ADGRL4: variants seen among roughly 807,000 people sequenced by gnomAD.
ADGRL4 encodes adhesion G protein-coupled receptor L4, also known as EGF, latrophilin and seven transmembrane domain containing 1.
A neutral mutation model predicts 74.8 loss-of-function variants in ADGRL4; 90 were observed. That is an observed-to-expected ratio of 1.20 (90% CI 1.02 to 1.43). The LOEUF (loss-of-function observed/expected upper bound fraction) is 1.43, where lower values mean the gene tolerates loss of function less well. ADGRL4 is among the 40% of genes most tolerant of loss of function. The pLI is 0.00. For missense variants in ADGRL4, 881 were observed against 814.3 expected (o/e 1.08, Z -1.00); for synonymous variants, 311 against 279.2 (o/e 1.11, Z -1.14).
chr1:78,970,598 A>G (rs1239837481), intron 2 of ADGRL4, among the ~76,000 whole-genome samples: 2 of 152,100 alleles, frequency 1.3e-5, no homozygotes, highest in African/African-American at 4.8e-5. Context: ...TCCCTCATGT[A>G]CCCCAGGTAT....
Position 78,890,882 on chromosome 1 carries a change from A to G in ADGRL4, c.*272T>C, listed in dbSNP as rs771385481. 1.3e-5 allele frequency: 5 copies of G among 399,126 alleles called. No homozygotes were observed. The highest frequency in any genetic ancestry group is 2.3e-5 in the Non-Finnish European group (5 of 217,088). The allele number at this position is 399,126 out of a possible 1,614,324, so 24.7% of individuals were successfully genotyped here. ...AAAATCTTTCCTTGGGTGCAGTGAT[A>G]TCACTCCTGAGAAACCAATTACTTT... On this transcript the variant is annotated 3_prime_UTR_variant, in exon 15 of 15. Coordinates refer to ENST00000370742, the MANE Select transcript of ADGRL4 (RefSeq NM_022159.4).
intron 2 of ADGRL4, among the ~76,000 whole-genome samples, chr1:79,002,714 T>C (rs1467883530): frequency 6.6e-6 from 1 of 152,046 alleles, no homozygotes; most frequent in Non-Finnish European, 1.5e-5. Flanking sequence ...TCAATATGCT[T>C]GACTATAAGG....
chr1:78,990,263 C>A (rs967978075), intron 2 of ADGRL4, among the ~76,000 whole-genome samples: 1 of 151,682 alleles, frequency 6.6e-6, no homozygotes, highest in Non-Finnish European at 1.5e-5. Flanking sequence ...CTAAGTGTGT[C>A]ATATTTCTAT....
chr1:78,920,790 CAT>C (rs1460040018), intron 9 of ADGRL4, among the ~76,000 whole-genome samples: 1 of 151,800 alleles, frequency 6.6e-6, no homozygotes, highest in African/African-American at 2.4e-5. Flanking sequence ...TCATCTAAAA[CAT>C]GTGAAACAAA....
At chr1:78,901,866 G>A (rs1039921366) in intron 12 of ADGRL4, among the ~76,000 whole-genome samples, 3 of 152,144 alleles carry the variant, frequency 2.0e-5, no homozygotes, top group Admixed American at 6.5e-5. Context: ...TATCTACAGA[G>A]CTAAAAGATA....
At chr1:78,902,462 C>T (rs922854421) in intron 12 of ADGRL4, among the ~76,000 whole-genome samples, 1 of 152,070 alleles carries the variant, frequency 6.6e-6, no homozygotes, top group Admixed American at 6.6e-5. Flanking sequence ...GCAACAGAGG[C>T]AGAAAGAGGT....
intron 2 of ADGRL4, among the ~76,000 whole-genome samples, chr1:78,999,836 C>CTA (rs1211022835): frequency 1.4e-5 from 2 of 138,892 alleles, no homozygotes; most frequent in African/African-American, 5.6e-5. Context: ...ATCTATCTAT[C>CTA]TATCTACCTA....
intron 3 of ADGRL4, among the ~76,000 whole-genome samples, chr1:78,944,483 G>A (rs369601729): frequency 4.5e-4 from 69 of 152,232 alleles, no homozygotes; most frequent in African/African-American, 1.6e-3. Context: ...TATTTCCTGA[G>A]AATGTTGTTA....
chr1:78,961,805 T>C (rs964150531), intron 2 of ADGRL4, among the ~76,000 whole-genome samples: 2 of 152,144 alleles, frequency 1.3e-5, no homozygotes, highest in African/African-American at 4.8e-5. Flanking sequence ...CTTTGTTACC[T>C]TCTCTGTTAA....
Position 78,962,553 on chromosome 1 carries a change from C to T in ADGRL4, c.173-16127G>A, listed in dbSNP as rs574783574. Among the ~76,000 whole-genome samples the T allele has an allele frequency of 3.3e-5, 5 of 152,202 alleles. No homozygotes were observed. In the South Asian group the frequency reaches 1.0e-3, roughly 32 times the overall value. ...ATTTCCTTGCCTCTCTCCCCTGTCT[C>T]CCCCATCCAAGCTGAAACTTTATAT... On this transcript the variant is annotated intron_variant, in intron 2 of 14. Transcript: ENST00000370742.
intron 2 of ADGRL4, among the ~76,000 whole-genome samples, chr1:78,969,770 C>T (rs916153392): frequency 5.3e-5 from 8 of 150,688 alleles, no homozygotes; most frequent in African/African-American, 2.0e-4. Context: ...CAAAACTTAT[C>T]GTACATTTGT....
chr1:78,891,134 T>C lies in ADGRL4; in HGVS notation c.*20A>G. On this transcript the variant is annotated 3_prime_UTR_variant, in exon 15 of 15. Transcript: ENST00000370742. ...AATTTTTATTTTTGTGCAGTTGTAA[T>C]TATCCACCATTCTCTATGTTTACCT... 1 of 1,610,304 alleles carries C rather than the reference T, an allele frequency of 6.2e-7. No homozygotes were observed. Among genetic ancestry groups the C allele is most frequent in the East Asian group, 2.2e-5 (1 of 44,690 alleles).
intron 2 of ADGRL4, among the ~76,000 whole-genome samples, chr1:78,948,451 C>G (rs1288120483): frequency 6.6e-6 from 1 of 151,982 alleles, no homozygotes; most frequent in Non-Finnish European, 1.5e-5. Flanking sequence ...ATTTAAGATA[C>G]TTTGTTCAGA....
intron 2 of ADGRL4, among the ~76,000 whole-genome samples, chr1:78,972,675 T>G (rs1034865450): frequency 6.6e-6 from 1 of 152,216 alleles, no homozygotes; most frequent in African/African-American, 2.4e-5. Context: ...ATGAATCTGC[T>G]TATTGCCGAA....
At chr1:78,956,376 G>A (rs1446102264) in intron 2 of ADGRL4, among the ~76,000 whole-genome samples, 1 of 152,032 alleles carries the variant, frequency 6.6e-6, no homozygotes, top group East Asian at 1.9e-4. Flanking sequence ...TTTATTAGTC[G>A]TTCATAGAGA....
chr1:78,982,814 T>C (rs532606263), intron 2 of ADGRL4, among the ~76,000 whole-genome samples: 12 of 151,864 alleles, frequency 7.9e-5, no homozygotes, highest in Non-Finnish European at 1.5e-4. Context: ...TCTGGGGGCT[T>C]TGGTTTCTAA....
intron 12 of ADGRL4, among the ~76,000 whole-genome samples, chr1:78,895,728 C>T (rs1348164535): frequency 2.6e-5 from 4 of 151,722 alleles, no homozygotes; most frequent in Admixed American, 2.0e-4. Context: ...AGCAAAGCGA[C>T]GAGTGGCATG....
chr1:78,934,879 G>A (rs1485516553), intron 7 of ADGRL4, among the ~76,000 whole-genome samples: 2 of 152,220 alleles, frequency 1.3e-5, no homozygotes, highest in Admixed American at 1.3e-4. Context: ...AGTCAGAAGG[G>A]TGATTATCAA....
intron 1 of ADGRL4, 145 bp from the exon 2 acceptor site, chr1:79,005,364 C>A: frequency 1.6e-6 from 1 of 612,256 alleles, no homozygotes; most frequent in South Asian, 3.7e-5. Context: ...GAGCACTTAG[C>A]TAAGTAACAG....
Sources: gnomAD v4.1 joint callset for allele counts (sites outside exome capture counted in the v4.1 genomes callset) on GRCh38, gnomAD v4.1.1 for gene constraint, MANE v1.5 for transcripts, NCBI Gene and HGNC (gene_info 2026-07-23, HGNC 2026-07-21) for gene names.